The following PNPLA7 variants were observed in gnomAD, a reference collection of about 807,000 sequenced individuals.
The protein encoded by PNPLA7 is patatin like domain 7, lysophospholipase.
Under a neutral mutation model 161.7 loss-of-function variants are expected in PNPLA7, and 153 were observed. The observed-to-expected ratio is 0.95, with a 90% CI of 0.83 to 1.08. The LOEUF (loss-of-function observed/expected upper bound fraction) is 1.08. Among genes scored for constraint, PNPLA7 ranks in the 50% least tolerant of loss-of-function variants. The probability of loss-of-function intolerance (pLI) is 0.00; values close to 1 mark genes in which losing one functional copy is unlikely to be tolerated. For missense variants in PNPLA7, 1,739 were observed against 1,856.6 expected, an observed-to-expected ratio of 0.94 and a Z score of 1.16; for synonymous variants, 809 against 782.1, an observed-to-expected ratio of 1.03 and a Z score of -0.57.
Position 137,478,045 on chromosome 9 carries a change from T to C in PNPLA7, c.2871A>G (p.Gly957=). 3 of 1,426,810 alleles carry C rather than the reference T, an allele frequency of 2.1e-6. No homozygotes were observed. The highest frequency in any genetic ancestry group is 1.6e-5 in the South Asian group (1 of 62,520). 88.4% of individuals were successfully genotyped at this position (1,426,810 alleles called of 1,614,324 possible). The change falls in exon 25 of 35, where the codon GGA becomes GGG. Residue 957 remains glycine, a synonymous_variant. Coordinates refer to ENST00000406427, the MANE Select transcript of PNPLA7 (RefSeq NM_001098537.3). The part of the protein sequence containing the change: ...TGNAIALVLG[G]GGARGCAQVG... ...GCGGGGGGACTCACCTTGCTCCCCC[T>C]CCCCCAAGCACCAGGGCAATGGCGT...
At chr9:137,487,306 C>T (rs1413855778) in intron 20 of PNPLA7, among the ~76,000 whole-genome samples, 3 of 152,252 alleles carry the variant, frequency 2.0e-5, no homozygotes, top group Non-Finnish European at 4.4e-5. Flanking sequence ...CGTGCAGAGG[C>T]ATCCACACCG....
At chr9:137,548,262 G>A (rs879635397) in intron 1 of PNPLA7, among the ~76,000 whole-genome samples, 1 of 152,152 alleles carries the variant, frequency 6.6e-6, no homozygotes, top group African/African-American at 2.4e-5. Flanking sequence ...GAGAAGACGA[G>A]AAGACGACAC....
At chr9:137,482,653 C>A (rs746437335) in intron 21 of PNPLA7, among the ~76,000 whole-genome samples, 1 of 152,204 alleles carries the variant, frequency 6.6e-6, no homozygotes. Flanking sequence ...GTCACAGAAA[C>A]GGCACCCACA....
chr9:137,503,907 A>AG, intron 14 of PNPLA7, among the ~76,000 whole-genome samples: 1 of 56,942 alleles, frequency 1.8e-5, no homozygotes, highest in Non-Finnish European at 3.8e-5. Context: ...AGAAGGAAGA[A>AG]GAAAGAAGAA....
At position 137,543,098 on chromosome 9, in the gene PNPLA7, G is replaced by A. The variant is rs114565495; in HGVS notation, c.507-297C>T. On this transcript the variant is annotated intron_variant, in intron 6 of 34. Coordinates refer to ENST00000406427, the MANE Select transcript of PNPLA7 (RefSeq NM_001098537.3). The surrounding 1 kb of genome is among the most constrained non-coding windows in gnomAD (Gnocchi z 6.9). ...AGGATGGTGAGCTGGGCCAGGGAGC[G>A]GAAGGGGTGCAGTCCAGGGGCCAGG... Among the ~76,000 whole-genome samples the A allele has an allele frequency of 3.5e-3, 540 of 152,298 alleles. 2 individuals carry two copies. Among genetic ancestry groups the A allele is most frequent in the African/African-American group, 0.012 (512 of 41,558 alleles).
intron 15 of PNPLA7, among the ~76,000 whole-genome samples, chr9:137,501,396 C>A (rs1345073150): frequency 6.6e-6 from 1 of 152,240 alleles, no homozygotes; most frequent in South Asian, 2.1e-4. Context: ...GACCTCTTCC[C>A]AATCTGCTTG....
In PNPLA7 at chr9:137,460,696, C is replaced by T; in HGVS notation, c.3883G>A (p.Asp1295Asn). ...YQTEYEEELLDVPRDAYADFQ... is the reference protein window; with the variant it reads ...YQTEYEEELLNVPRDAYADFQ... The stretch of plus-strand genomic sequence containing the variant: ...TCTGCGTATGCATCCCTGGGGACGT[C>T]CAGCAGCTCCTCCTCGTACTCCGTC... The change falls in exon 34 of 35, where the codon GAC becomes AAC. Residue 1295 changes from aspartate (D) to asparagine (N), a missense_variant. Coordinates refer to ENST00000406427, the MANE Select transcript of PNPLA7 (RefSeq NM_001098537.3). 6.2e-7 allele frequency: 1 copy of T among 1,612,832 alleles called. No homozygotes were observed. The highest frequency in any genetic ancestry group is 8.5e-7 in the Non-Finnish European group (1 of 1,179,928).
In PNPLA7 at chr9:137,541,616, G is replaced by T; in HGVS notation, c.667-894C>A. The T allele has an allele frequency of 4.7e-6, 2 of 425,450 alleles. No individual in the cohort carries two copies. Among genetic ancestry groups the T allele is most frequent in the Non-Finnish European group, 6.3e-6 (2 of 318,182 alleles). 26.4% of individuals were successfully genotyped at this position (425,450 alleles called of 1,614,324 possible). ...GAACAAGCAATGGGAAGTCTGGGTC[G>T]CAAACTGCCCAGACAGACAAAGCCA... On this transcript the variant is annotated intron_variant, in intron 7 of 34. Coordinates refer to ENST00000406427, the MANE Select transcript of PNPLA7 (RefSeq NM_001098537.3). The surrounding 1 kb of genome is among the most constrained non-coding windows in gnomAD (Gnocchi z 4.4).
intron 8 of PNPLA7, among the ~76,000 whole-genome samples, chr9:137,536,111 C>T (rs1453131205): frequency 6.6e-6 from 1 of 151,042 alleles, no homozygotes; most frequent in Admixed American, 6.6e-5. Flanking sequence ...TGAGATCGCG[C>T]CACTGCACTC....
rs373799021 is a variant in PNPLA7 at position 137,545,948 on chromosome 9, G to C, written c.273+882C>G. 5.5e-3 allele frequency among the ~76,000 whole-genome samples: 836 copies of C among 152,082 alleles called. 5 individuals are homozygous for C. Among genetic ancestry groups the C allele is most frequent in the Middle Eastern group, 0.034 (10 of 294 alleles). On this transcript the variant is annotated intron_variant, in intron 4 of 34. Coordinates refer to ENST00000406427, the MANE Select transcript of PNPLA7 (RefSeq NM_001098537.3). The stretch of plus-strand genomic sequence containing the variant: ...GAAAGGGAGTCTCCCTTTCCCCAGG[G>C]GAGTTCAGAGATGACTCTACCCCTC...
At chr9:137,522,213 T>C (rs1239471647) in intron 9 of PNPLA7, among the ~76,000 whole-genome samples, 4 of 152,236 alleles carry the variant, frequency 2.6e-5, no homozygotes, top group South Asian at 2.1e-4. Context: ...TAGCTGGGAC[T>C]ACAGGCGCCC....
At chr9:137,530,856 C>A (rs1835547913) in intron 8 of PNPLA7, among the ~76,000 whole-genome samples, 1 of 152,172 alleles carries the variant, frequency 6.6e-6, no homozygotes, top group East Asian at 1.9e-4. Context: ...ATGTACCTTC[C>A]TGCACGAGGC....
chr9:137,516,851 A>G (rs1323658858), intron 11 of PNPLA7, among the ~76,000 whole-genome samples: 2 of 150,664 alleles, frequency 1.3e-5, no homozygotes, highest in African/African-American at 2.4e-5. Flanking sequence ...TTATTATTAT[A>G]AAAATAAAAT....
chr9:137,462,385 G>A (rs1253013282), intron 30 of PNPLA7, 54 bp from the exon 31 acceptor site: 6 of 1,543,834 alleles, frequency 3.9e-6, no homozygotes, highest in Admixed American at 1.9e-5. Flanking sequence ...CCCCGTCCCA[G>A]CCTGGCCCGT....
At position 137,543,437 on chromosome 9, in the gene PNPLA7, G is replaced by A. The variant is rs141222015; in HGVS notation, c.501C>T (p.Asn167=). Reference sequence around the variant, plus strand: ...GGGCTCATCCCCGCTCTTACCGAACGTTTTTCAGCATGTACAGAACTTCCG... The same window carrying A: ...GGGCTCATCCCCGCTCTTACCGAACATTTTTCAGCATGTACAGAACTTCCG... ...LPSEVLYMLK[N]VRVLGHFEKP... is the part of the protein sequence containing the mutation. Residue 167 remains asparagine, a synonymous_variant, in exon 6 of 35, where the codon AAC becomes AAT. Transcript: ENST00000406427. The surrounding 1 kb of genome is among the most constrained non-coding windows in gnomAD (Gnocchi z 6.9). 2.0e-5 allele frequency: 33 copies of A among 1,614,082 alleles called. No homozygotes were observed. In the African/African-American group the frequency reaches 2.7e-4, roughly 13 times the overall value.
rs1043767628 is a variant in PNPLA7 at position 137,523,860 on chromosome 9, G to A, written c.748-1003C>T. The stretch of plus-strand genomic sequence containing the variant: ...TTAGCCAGGAGGGTCTCGATCTCCT[G>A]ACCTCGTGATCCGCCCACCTCGGCC... On this transcript the variant is annotated intron_variant, in intron 8 of 34. Coordinates refer to ENST00000406427, the MANE Select transcript of PNPLA7 (RefSeq NM_001098537.3). The surrounding 1 kb of genome is among the most constrained non-coding windows in gnomAD (Gnocchi z 4.4). 6.6e-6 allele frequency among the ~76,000 whole-genome samples: 1 copy of A among 152,124 alleles called. No individual in the cohort carries two copies. The highest frequency in any genetic ancestry group is 1.5e-5 in the Non-Finnish European group (1 of 68,046).
At chr9:137,513,755 T>C (rs943535703) in intron 12 of PNPLA7, among the ~76,000 whole-genome samples, 10 of 151,896 alleles carry the variant, frequency 6.6e-5, no homozygotes, top group African/African-American at 2.4e-4. Context: ...AAGGAGACAA[T>C]GGGGAAGAGA....
chr9:137,519,457 G>A (rs1475350488), intron 11 of PNPLA7, among the ~76,000 whole-genome samples: 1 of 152,236 alleles, frequency 6.6e-6, no homozygotes, highest in African/African-American at 2.4e-5. Context: ...AAGGGTCCTG[G>A]GCCTGTCTGA....
rs532885121 is a variant in PNPLA7, at chr9:137,536,014, G to A, written c.747+4628C>T. Among the ~76,000 whole-genome samples, 7 of 151,040 alleles carry A rather than the reference G, an allele frequency of 4.6e-5. No individual in the cohort carries two copies. In the East Asian group the frequency reaches 9.9e-4, roughly 21 times the overall value. On this transcript the variant is annotated intron_variant, in intron 8 of 34. Transcript: ENST00000406427. Reference sequence around the variant, plus strand: ...AAAAAATACAAAAAATTAGCCGGGCGTGGCAGTGGGCGCCTGTAGTCCCAG... The same window carrying A: ...AAAAAATACAAAAAATTAGCCGGGCATGGCAGTGGGCGCCTGTAGTCCCAG...
Sources: gnomAD v4.1 joint callset for allele counts (sites outside exome capture counted in the v4.1 genomes callset) on GRCh38, gnomAD v4.1.1 for gene constraint, Gnocchi (gnomAD v3.1) non-coding constraint, MANE v1.5 for transcripts, NCBI Gene and HGNC (gene_info 2026-07-23, HGNC 2026-07-21) for gene names.